Variants in PIK3R1 observed in about 807,000 individuals in gnomAD.
PIK3R1 encodes phosphoinositide-3-kinase regulatory subunit 1.
Under a neutral mutation model 98.0 loss-of-function variants are expected in PIK3R1, and 29 were observed. The ratio of observed to expected loss-of-function variants is 0.30; its 90% CI spans 0.22 to 0.40. The LOEUF is 0.40. PIK3R1 is among the 10% of genes least tolerant of loss of function. PIK3R1 has a pLI of 1.00. For missense variants in PIK3R1, 596 were observed against 872.7 expected, an observed-to-expected ratio of 0.68 and a Z score of 3.99; for synonymous variants, 282 against 311.8, an observed-to-expected ratio of 0.90 and a Z score of 1.01.
At chr5:68,252,371 A>AC (rs1745347401) in intron 2 of PIK3R1, among the ~76,000 whole-genome samples, 1 of 39,496 alleles carries the variant, frequency 2.5e-5, no homozygotes, top group Admixed American at 1.6e-4. Context: ...TACTGAATTT[A>AC]CAAAAAAAAA....
chr5:68,283,338 A>G (rs1358260968), intron 7 of PIK3R1, among the ~76,000 whole-genome samples: 1 of 152,230 alleles, frequency 6.6e-6, no homozygotes, highest in Non-Finnish European at 1.5e-5. Flanking sequence ...GAGGCAAAGT[A>G]TCAGTTCAAA....
intron 2 of PIK3R1, among the ~76,000 whole-genome samples, chr5:68,238,682 AG>A (rs1015608773): frequency 2.0e-5 from 3 of 152,198 alleles, no homozygotes; most frequent in African/African-American, 7.2e-5. Context: ...TGGAATCCAA[AG>A]GATAAAAACA....
At chr5:68,257,197 T>C (rs1170090104) in intron 2 of PIK3R1, among the ~76,000 whole-genome samples, 2 of 152,194 alleles carry the variant, frequency 1.3e-5, no homozygotes, top group Non-Finnish European at 2.9e-5. Context: ...CGCAAGGCAA[T>C]CTGAACAGGT....
intron 1 of PIK3R1, among the ~76,000 whole-genome samples, chr5:68,224,460 G>A (rs1351006217): frequency 6.6e-6 from 1 of 151,976 alleles, no homozygotes; most frequent in African/African-American, 2.4e-5. Context: ...GTTTGTTTTT[G>A]CTTCTTTTAA....
intron 2 of PIK3R1, among the ~76,000 whole-genome samples, chr5:68,251,351 A>T (rs533343539): frequency 6.6e-6 from 1 of 152,032 alleles, no homozygotes; most frequent in Non-Finnish European, 1.5e-5. Flanking sequence ...AGTTCAGAAG[A>T]TGGAAGATAT....
intron 2 of PIK3R1, among the ~76,000 whole-genome samples, chr5:68,243,367 T>TA (rs1002719333): frequency 1.4e-4 from 22 of 152,178 alleles, no homozygotes; most frequent in African/African-American, 4.1e-4. Flanking sequence ...TTTCCTGTTT[T>TA]AAAAAAATAT....
chr5:68,221,670 C>CT (rs752243975), intron 1 of PIK3R1, among the ~76,000 whole-genome samples: 1 of 152,300 alleles, frequency 6.6e-6, no homozygotes, highest in African/African-American at 2.4e-5. Context: ...TCAGAGAGGG[C>CT]TTTTTTGTTT....
intron 2 of PIK3R1, among the ~76,000 whole-genome samples, chr5:68,250,613 T>G (rs145980545): frequency 2.6e-5 from 4 of 152,330 alleles, no homozygotes; most frequent in East Asian, 1.9e-4. Flanking sequence ...TGAAATAGAC[T>G]TTGGGGATCT....
intron 7 of PIK3R1, among the ~76,000 whole-genome samples, chr5:68,285,920 G>A (rs1305016881): frequency 6.6e-6 from 1 of 152,076 alleles, no homozygotes; most frequent in Non-Finnish European, 1.5e-5. Context: ...TATGAAGAGA[G>A]GTATTCATTT....
At chr5:68,256,152 T>A (rs1745506440) in intron 2 of PIK3R1, among the ~76,000 whole-genome samples, 1 of 152,268 alleles carries the variant, frequency 6.6e-6, no homozygotes, top group African/African-American at 2.4e-5. Context: ...AATCTGAGTC[T>A]TTCTCCATTC....
At chr5:68,289,284 A>T (rs1298562713) in intron 7 of PIK3R1, among the ~76,000 whole-genome samples, 1 of 152,192 alleles carries the variant, frequency 6.6e-6, no homozygotes. Context: ...AGGTAAACTT[A>T]GGCAAATAGA....
At chr5:68,220,859 C>A (rs1197020070) in intron 1 of PIK3R1, among the ~76,000 whole-genome samples, 1 of 151,944 alleles carries the variant, frequency 6.6e-6, no homozygotes, top group Non-Finnish European at 1.5e-5. Flanking sequence ...TAAAATTCAC[C>A]CTAAATTCAT....
intron 7 of PIK3R1, chr5:68,288,365 G>GCGATCTTTATCTAAGGGAGA: frequency 9.5e-7 from 1 of 1,056,908 alleles, no homozygotes; most frequent in Non-Finnish European, 1.2e-6. Context: ...TCATGAAGCT[G>GCGATCTTTATCTAAGGGAGA]CGATCTTTAT....
At chr5:68,266,874 T>C (rs1746142914) in intron 2 of PIK3R1, among the ~76,000 whole-genome samples, 1 of 152,232 alleles carries the variant, frequency 6.6e-6, no homozygotes, top group African/African-American at 2.4e-5. Flanking sequence ...TGTGGGAATG[T>C]GGCTCCTAGT....
chr5:68,294,043 G>A (rs1032862811), intron 11 of PIK3R1, among the ~76,000 whole-genome samples: 25 of 152,298 alleles, frequency 1.6e-4, no homozygotes, highest in African/African-American at 5.8e-4. Context: ...TTAAGTTCAC[G>A]TGATAACTGA....
chr5:68,217,759 G>T (rs1743956878), intron 1 of PIK3R1: 1 of 152,112 alleles, frequency 6.6e-6, no homozygotes, highest in South Asian at 2.1e-4. Context: ...CAGAACTGCT[G>T]GGTATTGTCA....
At chr5:68,293,657 ATTG>A (rs1747518748) in intron 10 of PIK3R1, 49 bp from the exon 11 acceptor site, 1 of 1,294,790 alleles carries the variant, frequency 7.7e-7, no homozygotes, top group Non-Finnish European at 1.1e-6. Context: ...TTGTTAAACA[ATTG>A]TTATTTGATT....
chr5:68,230,887 G>A (rs575360209), intron 2 of PIK3R1, among the ~76,000 whole-genome samples: 7 of 152,262 alleles, frequency 4.6e-5, no homozygotes, highest in African/African-American at 1.7e-4. Flanking sequence ...GTTTTGTTTG[G>A]ATAAAGAGTG....
Position 68,299,554 on chromosome 5 carries a change from A to C in PIK3R1, c.*1953A>C. On this transcript the variant is annotated 3_prime_UTR_variant, in exon 16 of 16. Coordinates refer to ENST00000521381, the MANE Select transcript of PIK3R1 (RefSeq NM_181523.3). The stretch of plus-strand genomic sequence containing the variant: ...CAGTAGGAACTGTACATGTGTTGGG[A>C]GGCATAAAGACTAATTAGCAACCAT... 1 of 233,238 alleles carries C rather than the reference A, an allele frequency of 4.3e-6. No individual in the cohort carries two copies. The highest frequency in any genetic ancestry group is 8.5e-6 in the Non-Finnish European group (1 of 118,026). 14.4% of individuals were successfully genotyped at this position (233,238 alleles called of 1,614,324 possible). A position where few individuals can be genotyped will look rare whatever the true frequency, so the allele number is the denominator to read the frequency against.
Sources: allele counts gnomAD v4.1 joint callset (sites outside exome capture counted in the v4.1 genomes callset), GRCh38; gene constraint gnomAD v4.1.1; transcripts MANE v1.5; gene names NCBI Gene and HGNC (gene_info 2026-07-23, HGNC 2026-07-21).